The following ERICH3 variants were observed in gnomAD, a reference collection of about 807,000 sequenced individuals.
ERICH3 encodes the protein glutamate-rich protein 3.
ERICH3 carries 126 observed loss-of-function variants against 131.1 expected under a neutral mutation model. The observed-to-expected ratio is 0.96, with a 90% CI of 0.83 to 1.11. ERICH3 has a LOEUF of 1.11. ERICH3 is among the 50% of genes most tolerant of loss of function. The pLI, the probability that ERICH3 is intolerant of heterozygous loss-of-function variation, is 0.00. For missense variants in ERICH3, 2,050 were observed against 1,810.7 expected, an observed-to-expected ratio of 1.13 and a Z score of -2.40; for synonymous variants, 695 against 644.6, an observed-to-expected ratio of 1.08 and a Z score of -1.18.
chr1:74,651,917 C>G (rs1204920444), intron 1 of ERICH3, among the ~76,000 whole-genome samples: 2 of 152,136 alleles, frequency 1.3e-5, no homozygotes, highest in Non-Finnish European at 2.9e-5. Flanking sequence ...TAATTCTGCT[C>G]TCTCGGGCTT....
At chr1:74,665,748 T>C (rs1314448269) in intron 1 of ERICH3, among the ~76,000 whole-genome samples, 1 of 152,108 alleles carries the variant, frequency 6.6e-6, no homozygotes, top group Non-Finnish European at 1.5e-5. Flanking sequence ...AGGGTCCAGA[T>C]ATTGGCCTGA....
At position 74,589,878 on chromosome 1, in the gene ERICH3, T is replaced by A. The variant is rs1647505057; in HGVS notation, c.1929A>T (p.Glu643Asp). 1.2e-6 allele frequency: 2 copies of A among 1,614,126 alleles called. No individual in the cohort carries two copies. Among genetic ancestry groups the A allele is most frequent in the Non-Finnish European group, 1.7e-6 (2 of 1,179,994 alleles). Residue 643 changes from glutamate (E) to aspartate (D), a missense_variant, in exon 12 of 15, where the codon GAA becomes GAT. Physicochemically the swap from Glu to Asp is conservative, Grantham distance 45. Coordinates refer to ENST00000326665, the MANE Select transcript of ERICH3 (RefSeq NM_001002912.5). ...CTTTTGTTATTTCTTGGTCTTCAAT[T>A]TCAATTTCTAAGGATTCCTCAATTG... ...HLPIEESLEI[E>D]IEDQEITKAD...
chr1:74,648,683 G>T (rs1646505620), intron 2 of ERICH3, among the ~76,000 whole-genome samples: 2 of 152,056 alleles, frequency 1.3e-5, no homozygotes, highest in Admixed American at 6.6e-5. Context: ...TTTTGAAAAG[G>T]TTTCACATTG....
chr1:74,587,134 G>A (rs1216432788), intron 12 of ERICH3, among the ~76,000 whole-genome samples: 1 of 151,834 alleles, frequency 6.6e-6, no homozygotes, highest in Non-Finnish European at 1.5e-5. Context: ...GACCATCCTG[G>A]CTAACACGGT....
At chr1:74,604,602 C>T (rs114874673) in intron 10 of ERICH3, among the ~76,000 whole-genome samples, 2,078 of 151,976 alleles carry the variant, frequency 0.014, 56 homozygotes, top group African/African-American at 0.048. Flanking sequence ...TGTTAGCAGG[C>T]GTGAAAACAA....
chr1:74,610,775 C>G (rs1428446005), intron 9 of ERICH3, among the ~76,000 whole-genome samples: 1 of 151,906 alleles, frequency 6.6e-6, no homozygotes, highest in African/African-American at 2.4e-5. Context: ...GCTTACACCC[C>G]AACTGCTGCA....
At chr1:74,660,047 A>G (rs1293236641) in intron 1 of ERICH3, among the ~76,000 whole-genome samples, 1 of 152,126 alleles carries the variant, frequency 6.6e-6, no homozygotes, top group African/African-American at 2.4e-5. Flanking sequence ...GAGGGACCCA[A>G]TGGGAGATAA....
At chr1:74,662,723 T>A (rs1646654776) in intron 1 of ERICH3, among the ~76,000 whole-genome samples, 1 of 152,288 alleles carries the variant, frequency 6.6e-6, no homozygotes, top group African/African-American at 2.4e-5. Flanking sequence ...TATAGCATGC[T>A]TGCCTGCTTC....
intron 2 of ERICH3, among the ~76,000 whole-genome samples, chr1:74,648,481 A>G (rs544240441): frequency 9.4e-4 from 143 of 152,260 alleles, no homozygotes; most frequent in Non-Finnish European, 1.3e-3. Context: ...ACGAATCCTC[A>G]GGAGGAGAAA....
At chr1:74,662,937 G>A (rs1322005175) in intron 1 of ERICH3, among the ~76,000 whole-genome samples, 2 of 152,178 alleles carry the variant, frequency 1.3e-5, no homozygotes, top group African/African-American at 4.8e-5. Flanking sequence ...AATTGCTTGA[G>A]CTTAGGAGTT....
At chr1:74,645,420 T>G (rs1192804955) in intron 3 of ERICH3, among the ~76,000 whole-genome samples, 1 of 151,638 alleles carries the variant, frequency 6.6e-6, no homozygotes, top group Non-Finnish European at 1.5e-5. Flanking sequence ...TTTATTCTAT[T>G]ATGTAACAAT....
intron 1 of ERICH3, among the ~76,000 whole-genome samples, chr1:74,660,837 G>A (rs1646635095): frequency 6.6e-6 from 1 of 151,804 alleles, no homozygotes; most frequent in South Asian, 2.1e-4. Context: ...CTAGTTTTCT[G>A]TGATGCAAGT....
intron 6 of ERICH3, among the ~76,000 whole-genome samples, chr1:74,635,297 GT>G (rs1646378782): frequency 6.6e-6 from 1 of 151,944 alleles, no homozygotes; most frequent in Admixed American, 6.6e-5. Flanking sequence ...ATTTCTCTTG[GT>G]TTCTAGAAAA....
At chr1:74,594,093 C>T (rs1052386583) in intron 11 of ERICH3, among the ~76,000 whole-genome samples, 3 of 151,994 alleles carry the variant, frequency 2.0e-5, no homozygotes, top group African/African-American at 7.2e-5. Flanking sequence ...GCTCAGAGTC[C>T]ACTTAAAATA....
chr1:74,589,861 A>G lies in ERICH3; in HGVS notation c.1946T>C (p.Ile649Thr), dbSNP rs1647503252. 1.2e-6 allele frequency: 2 copies of G among 1,613,782 alleles called. No homozygotes were observed. The highest frequency in any genetic ancestry group is 8.5e-7 in the Non-Finnish European group (1 of 1,179,928). ...CTTGGTCTCCACATCTGCTTTTGTT[A>G]TTTCTTGGTCTTCAATTTCAATTTC... is the stretch of plus-strand genomic sequence containing the variant. ...SLEIEIEDQE[I>T]TKADVETKPM... Residue 649 changes from isoleucine to threonine, a missense_variant, in exon 12 of 15, where the codon ATA becomes ACA. Ile to Thr is a moderately conservative substitution (Grantham distance 89). Coordinates refer to ENST00000326665, the MANE Select transcript of ERICH3 (RefSeq NM_001002912.5).
Position 74,646,679 on chromosome 1 carries a change from A to T in ERICH3, c.231T>A (p.Val77=). 3 of 1,376,990 alleles carry T rather than the reference A, an allele frequency of 2.2e-6. No homozygotes were observed. Among genetic ancestry groups the T allele is most frequent in the Non-Finnish European group, 3.0e-6 (3 of 1,012,016 alleles). 85.3% of individuals were successfully genotyped at this position (1,376,990 alleles called of 1,614,324 possible). A position where few individuals can be genotyped will look rare whatever the true frequency, so the allele number is the denominator to read the frequency against. ...ECLAQAIFHK[V]LDMERYHQLE... ...TATATATTTTTACCTCCATATCAAG[A>T]ACTTTATGAAAAATTGCCTGGGCTA... is the stretch of plus-strand genomic sequence containing the variant. The change falls in exon 3 of 15, where the codon GTT becomes GTA. Residue 77 remains valine, a synonymous_variant. Transcript: ENST00000326665.
At chr1:74,577,256 AGTGGCAG>A in intron 12 of ERICH3, 1 of 203,264 alleles carries the variant, frequency 4.9e-6, no homozygotes, top group East Asian at 1.1e-4. Context: ...AAAAAAAAAA[AGTGGCAG>A]AAGGAAGAAA....
At chr1:74,654,750 T>C (rs1646569073) in intron 1 of ERICH3, among the ~76,000 whole-genome samples, 1 of 152,084 alleles carries the variant, frequency 6.6e-6, no homozygotes, top group Admixed American at 6.6e-5. Context: ...AGACATGCAG[T>C]CCATAATAGA....
At chr1:74,627,328 AG>A (rs1261571645) in intron 7 of ERICH3, among the ~76,000 whole-genome samples, 6 of 152,184 alleles carry the variant, frequency 3.9e-5, no homozygotes, top group African/African-American at 1.4e-4. Flanking sequence ...AAGAGGTGAA[AG>A]GAGACCCCGA....
Sources: gnomAD v4.1 joint callset for allele counts (sites outside exome capture counted in the v4.1 genomes callset) on GRCh38, gnomAD v4.1.1 for gene constraint, MANE v1.5 for transcripts, NCBI Gene and HGNC (gene_info 2026-07-23, HGNC 2026-07-21) for gene names.